The following PTGES2 variants were observed in gnomAD, a reference collection of about 807,000 sequenced individuals.
PTGES2 encodes GATE-binding factor 1.
PTGES2 carries 35 observed loss-of-function variants against 44.5 expected under a neutral mutation model. The ratio of observed to expected loss-of-function variants is 0.79; its 90% CI spans 0.60 to 1.04. PTGES2 has a LOEUF of 1.04. PTGES2 is among the 50% of genes least tolerant of loss of function. PTGES2 has a pLI of 0.00. For synonymous variants in PTGES2, 221 were observed against 227.5 expected, an observed-to-expected ratio of 0.97 and a Z score of 0.26; for missense variants, 517 against 521.4, an observed-to-expected ratio of 0.99 and a Z score of 0.08.
upstream of PTGES2, chr9:128,127,991 G>A (rs536154942): frequency 1.9e-4 from 84 of 439,084 alleles, no homozygotes; most frequent in African/African-American, 1.2e-4. Context: ...ACTGCAGGGG[G>A]GCGAACGTCT....
Position 128,123,260 on chromosome 9 carries a change from T to A in PTGES2, c.687-126A>T, listed in dbSNP as rs896535691. 2.8e-5 allele frequency: 25 copies of A among 883,374 alleles called. No homozygotes were observed. The African/African-American group carries it at 4.1e-4, about 14-fold the overall frequency. The allele number at this position is 883,374 out of a possible 1,614,324, so 54.7% of individuals were successfully genotyped here. A position where few individuals can be genotyped will look rare whatever the true frequency, so the allele number is the denominator to read the frequency against. On this transcript the variant is annotated intron_variant, in intron 4 of 6. Transcript: ENST00000338961. The surrounding 1 kb of genome is among the most constrained non-coding windows in gnomAD (Gnocchi z 4.4). ...CCTGAGCAGGAAGGTCTTTTTTTTTTTTTTGAGACAAAGTCTCGCTCTGTC... is the reference window on the plus strand; with the variant it reads ...CCTGAGCAGGAAGGTCTTTTTTTTTATTTTGAGACAAAGTCTCGCTCTGTC...
In PTGES2 at chr9:128,123,104, G is replaced by A. The variant is rs773868483; in HGVS notation, c.717C>T (p.Asp239=). Residue 239 remains aspartate (D), a synonymous_variant, in exon 5 of 7, where the codon GAC becomes GAT. Transcript: ENST00000338961. The surrounding 1 kb of genome is among the most constrained non-coding windows in gnomAD (Gnocchi z 4.4). ...GGGAGATCAGGTGCACCAGCCAGTC[G>A]TCCGCCCACTGCCGCCACTTCATCT... is the stretch of plus-strand genomic sequence containing the variant. ...TEEMKWRQWA[D]DWLVHLISPN... 28 of 1,610,870 alleles carry A rather than the reference G, an allele frequency of 1.7e-5. No individual in the cohort carries two copies. The highest frequency in any genetic ancestry group is 3.3e-5 in the South Asian group (3 of 91,076).
At chr9:128,126,684 C>T (rs1416722100) in intron 1 of PTGES2, among the ~76,000 whole-genome samples, 2 of 151,564 alleles carry the variant, frequency 1.3e-5, no homozygotes, top group Non-Finnish European at 2.9e-5. Flanking sequence ...CATGGTGAGA[C>T]CCCCGTCTCT....
At chr9:128,126,143 G>A (rs1008570027) in intron 1 of PTGES2, among the ~76,000 whole-genome samples, 17 of 152,262 alleles carry the variant, frequency 1.1e-4, no homozygotes, top group South Asian at 4.1e-4. Context: ...AGCCACAACT[G>A]TAGACCATCC....
intron 2 of PTGES2, among the ~76,000 whole-genome samples, 195 bp downstream of exon 2, chr9:128,125,048 AG>A (rs1377007950): frequency 6.6e-6 from 1 of 152,226 alleles, no homozygotes; most frequent in African/African-American, 2.4e-5. Flanking sequence ...GAGACCCAGC[AG>A]GTGTTTGGTT....
Position 128,127,693 on chromosome 9 carries a change from G to A in PTGES2, c.25C>T (p.Arg9Trp), listed in dbSNP as rs972315914. 2.3e-6 allele frequency: 3 copies of A among 1,285,438 alleles called. No homozygotes were observed. The highest frequency in any genetic ancestry group is 3.0e-6 in the Non-Finnish European group (3 of 1,016,680). 79.6% of individuals were successfully genotyped at this position (1,285,438 alleles called of 1,614,324 possible). Reference sequence around the variant, plus strand: ...GCGCACCCACCAGGCCACAGCGCCCGCACCACCCGCGCAGCCGGGTCCATG... The same window carrying A: ...GCGCACCCACCAGGCCACAGCGCCCACACCACCCGCGCAGCCGGGTCCATG... Reference protein sequence around the residue: MDPAARVVRALWPGGCALA... With the variant: MDPAARVVWALWPGGCALA... Residue 9 changes from arginine to tryptophan, a missense_variant, in exon 1 of 7, where the codon CGG (arginine) becomes TGG (tryptophan). Coordinates refer to ENST00000338961, the MANE Select transcript of PTGES2 (RefSeq NM_025072.7).
intron 6 of PTGES2, 150 bp from the exon 7 acceptor site, chr9:128,121,423 G>C: frequency 1.0e-6 from 1 of 1,001,728 alleles, no homozygotes; most frequent in African/African-American, 1.6e-5. Context: ...GTGAGGGTTT[G>C]AACAAAGCAT....
In PTGES2 at chr9:128,123,138, C is replaced by A; in HGVS notation, c.687-4G>T. On this transcript the variant is annotated splice_polypyrimidine_tract_variant and splice_region_variant and intron_variant, in intron 4 of 6. Coordinates refer to ENST00000338961, the MANE Select transcript of PTGES2 (RefSeq NM_025072.7). The surrounding 1 kb of genome is among the most constrained non-coding windows in gnomAD (Gnocchi z 4.4). ...CTGCCGCCACTTCATCTCCTCCCTG[C>A]GGGCACGGGAGGGACTTCCTAAGCC... 1 of 1,607,742 alleles carries A rather than the reference C, an allele frequency of 6.2e-7. No individual in the cohort carries two copies. Among genetic ancestry groups the A allele is most frequent in the Middle Eastern group, 1.7e-4 (1 of 5,924 alleles).
upstream of PTGES2, chr9:128,128,153 C>T: frequency 3.2e-6 from 1 of 312,386 alleles, no homozygotes; most frequent in Non-Finnish European, 6.0e-6. Flanking sequence ...GCCCCGGAAA[C>T]GACCCGACCC....
Position 128,123,399 on chromosome 9 carries a change from T to C in PTGES2, c.687-265A>G, listed in dbSNP as rs1006531114. Among the ~76,000 whole-genome samples the C allele has an allele frequency of 2.0e-5, 3 of 152,040 alleles. No individual in the cohort carries two copies. Among genetic ancestry groups the C allele is most frequent in the Non-Finnish European group, 2.9e-5 (2 of 67,996 alleles). On this transcript the variant is annotated intron_variant, in intron 4 of 6. Transcript: ENST00000338961. This position sits in a 1 kb window ranked among gnomAD's most constrained non-coding sequence, Gnocchi z 4.4. Reference sequence around the variant, plus strand: ...GTAGCTGGGATTATAGGTGTGTGCCTCCACACCTAGCTAATTTTTGCATTT... The same window carrying C: ...GTAGCTGGGATTATAGGTGTGTGCCCCCACACCTAGCTAATTTTTGCATTT...
In PTGES2 at chr9:128,127,608, C is replaced by G. The variant is rs944414660; in HGVS notation, c.110G>C (p.Gly37Ala). The G allele has an allele frequency of 7.3e-5, 93 of 1,269,014 alleles. No individual in the cohort carries two copies. The highest frequency in any genetic ancestry group is 8.7e-5 in the Non-Finnish European group (88 of 1,008,424). 78.6% of individuals were successfully genotyped at this position (1,269,014 alleles called of 1,614,324 possible). A position where few individuals can be genotyped will look rare whatever the true frequency, so the allele number is the denominator to read the frequency against. The change falls in exon 1 of 7, where the codon GGC becomes GCC. Residue 37 changes from glycine (G) to alanine (A), a missense_variant. Physicochemically the swap from Gly to Ala is moderately conservative, Grantham distance 60 (BLOSUM62 0). Transcript: ENST00000338961. ...QPLLPTQSRAGFAGAAGGPSP... is the reference protein window; with the variant it reads ...QPLLPTQSRAAFAGAAGGPSP... ...CGGGCCGCCCGCCGCCCCCGCGAAG[C>G]CAGCCCGGCTCTGCGTGGGTAGCAG...
At position 128,127,519 on chromosome 9, in the gene PTGES2, C is replaced by A. The variant is rs1034328239; in HGVS notation, c.199G>T (p.Gly67Trp). ...GTGTGGTACAGCCCCAGGGCTCCCC[C>A]CAGGGCCAGCGCCGCAGCTCCCAGC... ...RLLGAAALAL[G>W]GALGLYHTAR... Residue 67 changes from glycine to tryptophan, a missense_variant, in exon 1 of 7, where the codon GGG becomes TGG. Gly to Trp is a radical substitution (Grantham distance 184). Transcript: ENST00000338961. The A allele has an allele frequency of 1.3e-5, 17 of 1,322,236 alleles. No individual in the cohort carries two copies. Among genetic ancestry groups the A allele is most frequent in the Non-Finnish European group, 1.6e-5 (17 of 1,035,222 alleles). 81.9% of individuals were successfully genotyped at this position (1,322,236 alleles called of 1,614,324 possible). A position where few individuals can be genotyped will look rare whatever the true frequency, so the allele number is the denominator to read the frequency against.
At position 128,127,462 on chromosome 9, in the gene PTGES2, G is replaced by T; in HGVS notation, c.256C>A (p.His86Asn). ...ARWHLRAQDL[H>N]AERSAAQLSL... is the part of the protein sequence containing the mutation. ...ACCTGCGCGGCTGAGCGCTCTGCGT[G>T]GAGGTCCTGGGCGCGCAGGTGCCAC... is the stretch of plus-strand genomic sequence containing the variant. Residue 86 changes from histidine to asparagine, a missense_variant, in exon 1 of 7, where the codon CAC becomes AAC. By Grantham distance (68) the His-to-Asn change is moderately conservative (BLOSUM62 1). Transcript: ENST00000338961. 7.2e-7 allele frequency: 1 copy of T among 1,396,746 alleles called. No homozygotes were observed. The allele number at this position is 1,396,746 out of a possible 1,614,324, so 86.5% of individuals were successfully genotyped here. A position where few individuals can be genotyped will look rare whatever the true frequency, so the allele number is the denominator to read the frequency against.
At position 128,123,914 on chromosome 9, in the gene PTGES2, C is replaced by A; in HGVS notation, c.537-63G>T. On this transcript the variant is annotated intron_variant, in intron 3 of 6. Transcript: ENST00000338961. The surrounding 1 kb of genome is among the most constrained non-coding windows in gnomAD (Gnocchi z 4.4). ...CCCTCCGTCCCCTGTGGCCGACCAACCCCGCTGCCCCAGCCTCAGAGTGGA... is the reference window on the plus strand; with the variant it reads ...CCCTCCGTCCCCTGTGGCCGACCAAACCCGCTGCCCCAGCCTCAGAGTGGA... The A allele has an allele frequency of 3.2e-6, 5 of 1,569,640 alleles. No homozygotes were observed. The highest frequency in any genetic ancestry group is 4.4e-6 in the Non-Finnish European group (5 of 1,147,808).
At position 128,121,156 on chromosome 9, in the gene PTGES2, G is replaced by A. The variant is rs1340443454; in HGVS notation, c.1123C>T (p.Pro375Ser). Reference sequence around the variant, plus strand: ...CTGCGCGGGGACATTCAGTGCGCTGGGGAGGCCTCGGTGATGGCCCTCTCC... The same window carrying A: ...CTGCGCGGGGACATTCAGTGCGCTGAGGAGGCCTCGGTGATGGCCCTCTCC... ...RVERAITEASPAH is the reference protein window; with the variant it reads ...RVERAITEASSAH The change falls in exon 7 of 7, where the codon CCA becomes TCA. Residue 375 changes from proline (P) to serine (S), a missense_variant. Coordinates refer to ENST00000338961, the MANE Select transcript of PTGES2 (RefSeq NM_025072.7). 1 of 1,587,650 alleles carries A rather than the reference G, an allele frequency of 6.3e-7. No individual in the cohort carries two copies. Among genetic ancestry groups the A allele is most frequent in the African/African-American group, 1.3e-5 (1 of 74,552 alleles).
intron 1 of PTGES2, 100 bp from the exon 2 acceptor site, chr9:128,125,541 A>G: frequency 9.2e-7 from 1 of 1,089,554 alleles, no homozygotes; most frequent in Non-Finnish European, 1.4e-6. Context: ...AAATGACGCT[A>G]GAACATCGGG....
At chr9:128,124,470 T>C in intron 3 of PTGES2, 22 bp downstream of exon 3, 1 of 1,611,938 alleles carries the variant, frequency 6.2e-7, no homozygotes, top group Non-Finnish European at 8.5e-7. Flanking sequence ...AATGGCCACC[T>C]GGTCTCCGAG....
chr9:128,122,124 C>G (rs965542561), intron 6 of PTGES2, among the ~76,000 whole-genome samples: 2 of 152,174 alleles, frequency 1.3e-5, no homozygotes, highest in Non-Finnish European at 2.9e-5. Context: ...GCCTCTGGAT[C>G]CAGCAGGGCC....
intron 3 of PTGES2, among the ~76,000 whole-genome samples, chr9:128,124,139 G>A (rs1001269176): frequency 6.6e-6 from 1 of 151,848 alleles, no homozygotes; most frequent in Non-Finnish European, 1.5e-5. Flanking sequence ...CTGGAGTGCA[G>A]TGGCACGATC....
Sources: gnomAD v4.1 joint callset for allele counts (sites outside exome capture counted in the v4.1 genomes callset) on GRCh38, gnomAD v4.1.1 for gene constraint, Gnocchi (gnomAD v3.1) non-coding constraint, MANE v1.5 for transcripts, NCBI Gene and HGNC (gene_info 2026-07-23, HGNC 2026-07-21) for gene names.